Variants in PBRM1 observed in about 807,000 individuals in gnomAD.
The protein encoded by PBRM1 is polybromo 1.
In PBRM1, 27 loss-of-function variants were observed where a neutral mutation model predicts 194.5. The ratio of observed to expected loss-of-function variants is 0.14; its 90% CI spans 0.10 to 0.19. The LOEUF is 0.19. Among genes scored for constraint, PBRM1 ranks in the 10% least tolerant of loss-of-function variants. PBRM1 has a pLI of 1.00. For synonymous variants in PBRM1, 655 were observed against 693.2 expected, an observed-to-expected ratio of 0.94 and a Z score of 0.87; for missense variants, 1,466 against 2,077.2, an observed-to-expected ratio of 0.71 and a Z score of 5.72.
At chr3:52,662,176 T>C (rs2153924396) in exon 4 of PBRM1, 1 of 1,614,130 alleles carries the variant, frequency 6.2e-7, no homozygotes, top group South Asian at 1.1e-5. Context: ...ATCTTCATCA[T>C]CATCTTCGTC....
At position 52,589,639 on chromosome 3, in the gene PBRM1, T is replaced by C. The variant is rs556550908; in HGVS notation, c.2780-384A>G. Among the ~76,000 whole-genome samples, 37 of 152,298 alleles carry C rather than the reference T, an allele frequency of 2.4e-4. 1 individual carries two copies. Among genetic ancestry groups the C allele is most frequent in the Middle Eastern group, 6.8e-3 (2 of 294 alleles). On this transcript the variant is annotated intron_variant, in intron 17 of 29. Coordinates refer to ENST00000296302, the Ensembl canonical transcript of PBRM1. ...CTGATATACTTCATCCCCACCTTAATGCTTCTTAATGTGTTTCATTTCACT... is the reference window on the plus strand; with the variant it reads ...CTGATATACTTCATCCCCACCTTAACGCTTCTTAATGTGTTTCATTTCACT...
chr3:52,629,546 A>G (rs1375832702), intron 11 of PBRM1, among the ~76,000 whole-genome samples: 1 of 152,220 alleles, frequency 6.6e-6, no homozygotes, highest in Non-Finnish European at 1.5e-5. Flanking sequence ...TATGATGGTA[A>G]AAGAGAGATA....
At chr3:52,660,233 G>A (rs1240594721) in intron 4 of PBRM1, among the ~76,000 whole-genome samples, 1 of 152,134 alleles carries the variant, frequency 6.6e-6, no homozygotes, top group Non-Finnish European at 1.5e-5. Context: ...AGCCCTGAAG[G>A]CCTACACTAA....
intron 29 of PBRM1, among the ~76,000 whole-genome samples, chr3:52,549,108 C>T (rs184108467): frequency 7.1e-4 from 108 of 152,020 alleles, no homozygotes; most frequent in Admixed American, 9.8e-4. Context: ...GCAACCTCCA[C>T]CTCCGGGTTC....
chr3:52,606,790 A>T (rs2094370335), intron 16 of PBRM1, among the ~76,000 whole-genome samples: 1 of 152,242 alleles, frequency 6.6e-6, no homozygotes, highest in South Asian at 2.1e-4. Context: ...TTTTACCTGC[A>T]AGGGGATCAG....
chr3:52,648,745 A>C (rs1350366500), intron 6 of PBRM1, among the ~76,000 whole-genome samples: 2 of 152,246 alleles, frequency 1.3e-5, no homozygotes, highest in Admixed American at 1.3e-4. Flanking sequence ...AGTGCTTACT[A>C]TGTGCCAAGC....
intron 25 of PBRM1, 22 bp from the exon 28 acceptor site, chr3:52,558,435 T>C: frequency 6.6e-7 from 1 of 1,505,458 alleles, no homozygotes; most frequent in Non-Finnish European, 8.9e-7. Context: ...TTTCAGATTT[T>C]CAATTCTGTT....
rs2095746411 is a variant in PBRM1, at chr3:52,634,825, C to CA, written c.1088-11dup. ...TCTTCATAGCGTGCAGCTGGAAAGA[C>CA]AAAAAAAGTATTTATAAAGGGACGA... On this transcript the variant is annotated splice_polypyrimidine_tract_variant and intron_variant, in intron 10 of 29. Transcript: ENST00000296302. 5 of 1,585,440 alleles carry CA rather than the reference C, an allele frequency of 3.2e-6. No individual in the cohort carries two copies. The highest frequency in any genetic ancestry group is 1.4e-5 in the African/African-American group (1 of 73,286).
rs2095751745 is a variant in PBRM1, at chr3:52,634,939, T to C, written c.1088-124A>G. On this transcript the variant is annotated intron_variant, in intron 10 of 29. Transcript: ENST00000296302. ...TATTTGAAAACTATTATTACTATTA[T>C]TTTTGAGACAGGGTCTGGCTTTGTC... 6 of 720,750 alleles carry C rather than the reference T, an allele frequency of 8.3e-6. No homozygotes were observed. In the East Asian group the frequency reaches 1.6e-4, roughly 19 times the overall value. 44.6% of individuals were successfully genotyped at this position (720,750 alleles called of 1,614,324 possible).
chr3:52,685,195 T>C (rs1340819307), intron 1 of PBRM1, among the ~76,000 whole-genome samples: 1 of 152,168 alleles, frequency 6.6e-6, no homozygotes, highest in African/African-American at 2.4e-5. Flanking sequence ...TAAAACTTAT[T>C]ATAATAACAA....
intron 20 of PBRM1, among the ~76,000 whole-genome samples, chr3:52,583,472 C>G (rs1225386735): frequency 6.6e-6 from 1 of 151,762 alleles, no homozygotes; most frequent in African/African-American, 2.4e-5. Flanking sequence ...CTATACCAGG[C>G]TACACATATT....
At chr3:52,573,386 C>T (rs769033270) in intron 22 of PBRM1, among the ~76,000 whole-genome samples, 7 of 152,178 alleles carry the variant, frequency 4.6e-5, no homozygotes, top group African/African-American at 1.2e-4. Flanking sequence ...CTCCACCTCT[C>T]GGGTTCAAAC....
rs567725654 is a variant in PBRM1 at position 52,657,936 on chromosome 3, C to T, written c.645+263G>A. On this transcript the variant is annotated intron_variant, in intron 5 of 29. Coordinates refer to ENST00000296302, the Ensembl canonical transcript of PBRM1. The stretch of plus-strand genomic sequence containing the variant: ...CCTCCCGAGTAGCTGGGATTATAGG[C>T]ATGCGCCACCACACCCAGCTAATTT... Among the ~76,000 whole-genome samples, 4 of 152,174 alleles carry T rather than the reference C, an allele frequency of 2.6e-5. No individual in the cohort carries two copies. The South Asian group carries it at 8.3e-4, about 32-fold the overall frequency.
At chr3:52,675,747 G>A (rs528055048) in intron 2 of PBRM1, among the ~76,000 whole-genome samples, 21 of 152,138 alleles carry the variant, frequency 1.4e-4, no homozygotes, top group African/African-American at 4.1e-4. Flanking sequence ...TGACAAAGGC[G>A]CCAAAACCAT....
At chr3:52,643,921 G>A (rs1280472411) in intron 8 of PBRM1, among the ~76,000 whole-genome samples, 2 of 151,774 alleles carry the variant, frequency 1.3e-5, no homozygotes, top group East Asian at 1.9e-4. Context: ...GCAGTGGGCC[G>A]AGATTGTGCC....
chr3:52,589,048 C>T, intron 18 of PBRM1, 22 bp downstream of exon 20: 2 of 1,589,056 alleles, frequency 1.3e-6, no homozygotes, highest in Middle Eastern at 1.7e-4. Flanking sequence ...CTAAACTGTC[C>T]TTTGATTTAA....
exon 29 of PBRM1, chr3:52,550,515 G>A (rs2153373389): frequency 6.3e-7 from 1 of 1,581,944 alleles, no homozygotes; most frequent in Non-Finnish European, 8.6e-7. Flanking sequence ...GAAGCCGCTG[G>A]GTCTTTGGTG....
chr3:52,653,141 G>A (rs961702735), intron 5 of PBRM1, among the ~76,000 whole-genome samples: 2 of 152,146 alleles, frequency 1.3e-5, no homozygotes, highest in East Asian at 1.9e-4. Context: ...TCTAAATAAC[G>A]TTATTATATA....
upstream of PBRM1, among the ~76,000 whole-genome samples, chr3:52,683,827 A>C (rs571727057): frequency 1.3e-5 from 2 of 152,052 alleles, no homozygotes; most frequent in East Asian, 3.9e-4. Context: ...AAAAAAAACA[A>C]AAAAAAAGTG....
Sources: gnomAD v4.1 joint callset for allele counts (sites outside exome capture counted in the v4.1 genomes callset) on GRCh38, gnomAD v4.1.1 for gene constraint, MANE v1.5 for transcripts, NCBI Gene and HGNC (gene_info 2026-07-23, HGNC 2026-07-21) for gene names.